KRT25: variants seen among roughly 807,000 people sequenced by gnomAD.
The protein encoded by KRT25 is keratin, type I cytoskeletal 25.
Under a neutral mutation model 47.6 loss-of-function variants are expected in KRT25, and 37 were observed. That is an observed-to-expected ratio of 0.78 (90% confidence interval 0.60 to 1.02). KRT25 has a LOEUF of 1.02. Among genes scored for constraint, KRT25 ranks in the 50% least tolerant of loss-of-function variants. KRT25 has a pLI of 0.00. For synonymous variants in KRT25, 203 were observed against 210.2 expected (o/e 0.97, Z 0.30); for missense variants, 542 against 550.3 (o/e 0.98, Z 0.15).
rs749867197 is a variant in KRT25, at chr17:40,754,286, A to C, written c.512+100T>G. 17 of 1,001,330 alleles carry C rather than the reference A, an allele frequency of 1.7e-5. No homozygotes were observed. In the Admixed American group the frequency reaches 2.5e-4, roughly 15 times the overall value. The allele number at this position is 1,001,330 out of a possible 1,614,324, so 62.0% of individuals were successfully genotyped here. The stretch of plus-strand genomic sequence containing the variant: ...AAGTAATAACATCCTGTTTATGTGA[A>C]ATTCAAGTGTTTTATAATTTTGGAA... On this transcript the variant is annotated intron_variant, in intron 2 of 7. Transcript: ENST00000312150.
rs1597792059 is a variant in KRT25 at position 40,750,866 on chromosome 17, T to C, written c.957+88A>G. ...TGAGACAATTATAAACAAATATATTTCAATATTGTTAAGGTTTTTAAAACC... is the reference window on the plus strand; with the variant it reads ...TGAGACAATTATAAACAAATATATTCCAATATTGTTAAGGTTTTTAAAACC... On this transcript the variant is annotated intron_variant, in intron 5 of 7. Transcript: ENST00000312150. The C allele has an allele frequency of 1.2e-5, 18 of 1,465,212 alleles. No individual in the cohort carries two copies. The East Asian group carries it at 4.1e-4, about 33-fold the overall frequency. The allele number at this position is 1,465,212 out of a possible 1,614,324, so 90.8% of individuals were successfully genotyped here. A position where few individuals can be genotyped will look rare whatever the true frequency, so the allele number is the denominator to read the frequency against.
At chr17:40,754,050 C>T (rs1412857802) in intron 2 of KRT25, 34 bp from the exon 3 acceptor site, 2 of 1,606,826 alleles carry the variant, frequency 1.2e-6, no homozygotes, top group East Asian at 2.2e-5. Flanking sequence ...TAATTTGTCA[C>T]ATGGTTGGAG....
At chr17:40,749,382 CA>C in intron 6 of KRT25, 57 bp from the exon 7 acceptor site, 1 of 1,248,980 alleles carries the variant, frequency 8.0e-7, no homozygotes, top group Non-Finnish European at 1.2e-6. Flanking sequence ...ATTCTAGGAT[CA>C]CCATATGGTT....
chr17:40,752,622 ATATATC>A (rs566539973), intron 3 of KRT25, among the ~76,000 whole-genome samples: 11 of 152,330 alleles, frequency 7.2e-5, no homozygotes, highest in South Asian at 2.1e-4. Context: ...ATCTATATCT[ATATATC>A]TATATCTATA....
chr17:40,752,838 T>G (rs1475056870), intron 3 of KRT25, among the ~76,000 whole-genome samples: 1 of 152,202 alleles, frequency 6.6e-6, no homozygotes, highest in Non-Finnish European at 1.5e-5. Flanking sequence ...GTTTTAAGCA[T>G]TTGGCTTGAC....
chr17:40,752,352 CTG>C (rs1302366494), intron 3 of KRT25, among the ~76,000 whole-genome samples: 1 of 152,154 alleles, frequency 6.6e-6, no homozygotes, highest in Non-Finnish European at 1.5e-5. Flanking sequence ...GCTGCGAAGA[CTG>C]TGTATATTGG....
intron 6 of KRT25, among the ~76,000 whole-genome samples, chr17:40,749,628 CT>C (rs1030801755): frequency 2.6e-5 from 4 of 152,110 alleles, no homozygotes; most frequent in Non-Finnish European, 4.4e-5. Flanking sequence ...GAAATTCACC[CT>C]TTTAAGTTTT....
In KRT25 at chr17:40,749,291, A is replaced by G. The variant is rs1444378291; in HGVS notation, c.1210T>C (p.Tyr404His). 2 of 1,613,750 alleles carry G rather than the reference A, an allele frequency of 1.2e-6. No individual in the cohort carries two copies. The highest frequency in any genetic ancestry group is 1.7e-5 in the Admixed American group (1 of 60,022). ...CKSGGYKSKD[Y>H]GSGNVGSQVK... is the part of the protein sequence containing the mutation. ...TGACTTCCCACATTTCCAGATCCAT[A>G]ATCTTTAGACTTGTAACCCCCAGAC... The change falls in exon 7 of 8, where the codon TAT becomes CAT. Residue 404 changes from tyrosine to histidine, a missense_variant. Transcript: ENST00000312150.
intron 2 of KRT25, 149 bp downstream of exon 2, chr17:40,754,237 G>T: frequency 2.6e-6 from 2 of 763,316 alleles, no homozygotes; most frequent in Non-Finnish European, 4.3e-6. Flanking sequence ...TTCATGCTTT[G>T]TATTTAATAG....
intron 7 of KRT25, 133 bp from the exon 8 acceptor site, chr17:40,748,519 G>A (rs564759612): frequency 3.5e-6 from 2 of 570,680 alleles, no homozygotes; most frequent in East Asian, 6.6e-5. Flanking sequence ...CTCATTTTTG[G>A]TGAATAATTT....
chr17:40,753,233 ATTAGAC>A (rs1314381159), intron 3 of KRT25, among the ~76,000 whole-genome samples: 1 of 152,146 alleles, frequency 6.6e-6, no homozygotes, highest in Non-Finnish European at 1.5e-5. Flanking sequence ...ATTTTATCTA[ATTAGAC>A]TTAATGTCCA....
At position 40,754,004 on chromosome 17, in the gene KRT25, C is replaced by T; in HGVS notation, c.525G>A (p.Glu175=). ...CCTCTACACTCTGGTGAAGAGCCAG[C>T]TCATTTTCATACCTTAAAGAGTGTT... ...ADDFRLKYEN[E]LALHQSVEAD... Residue 175 remains glutamate, a synonymous_variant, in exon 3 of 8, where the codon GAG becomes GAA. Coordinates refer to ENST00000312150, the MANE Select transcript of KRT25 (RefSeq NM_181534.4). 4 of 1,614,092 alleles carry T rather than the reference C, an allele frequency of 2.5e-6. No homozygotes were observed. Among genetic ancestry groups the T allele is most frequent in the Non-Finnish European group, 3.4e-6 (4 of 1,179,982 alleles).
Position 40,749,285 on chromosome 17 carries a change from A to T in KRT25, c.1216T>A (p.Ser406Thr), listed in dbSNP as rs574655251. 5 of 1,613,674 alleles carry T rather than the reference A, an allele frequency of 3.1e-6. No individual in the cohort carries two copies. In the African/African-American group the frequency reaches 6.7e-5, roughly 22 times the overall value. ...SGGYKSKDYGSGNVGSQVKDP... is the reference protein window; with the variant it reads ...SGGYKSKDYGTGNVGSQVKDP... ...TTGACTTGACTTCCCACATTTCCAG[A>T]TCCATAATCTTTAGACTTGTAACCC... The change falls in exon 7 of 8, where the codon TCT becomes ACT. Residue 406 changes from serine to threonine, a missense_variant. Coordinates refer to ENST00000312150, the MANE Select transcript of KRT25 (RefSeq NM_181534.4).
intron 3 of KRT25, among the ~76,000 whole-genome samples, chr17:40,752,095 A>G (rs2038055649): frequency 6.6e-6 from 1 of 152,142 alleles, no homozygotes; most frequent in Admixed American, 6.5e-5. Context: ...CTATTTGCTT[A>G]TCTGAAAATT....
rs779651833 is a variant in KRT25 at position 40,750,459 on chromosome 17, A to C, written c.1096T>G (p.Tyr366Asp). The change falls in exon 6 of 8, where the codon TAT becomes GAT. Residue 366 changes from tyrosine (Y) to aspartate (D), a missense_variant. Tyr to Asp is a radical substitution (Grantham distance 160, BLOSUM62 -3). Coordinates refer to ENST00000312150, the MANE Select transcript of KRT25 (RefSeq NM_181534.4). ...RTETEGQKLE[Y>D]EQLLDIKLHL... ...AGCTTGATGTCCAGGAGCTGCTCAT[A>C]CTCCAGCTTCTGGCCCTCGGTCTCG... 66 of 1,613,332 alleles carry C rather than the reference A, an allele frequency of 4.1e-5. No individual in the cohort carries two copies. The highest frequency in any genetic ancestry group is 5.2e-5 in the Non-Finnish European group (61 of 1,179,762).
chr17:40,748,159 G>A lies in KRT25; in HGVS notation c.*118C>T. The A allele has an allele frequency of 1.7e-6, 1 of 605,904 alleles. No individual in the cohort carries two copies. Among genetic ancestry groups the A allele is most frequent in the Non-Finnish European group, 2.8e-6 (1 of 353,700 alleles). The allele number at this position is 605,904 out of a possible 1,614,324, so 37.5% of individuals were successfully genotyped here. Reference sequence around the variant, plus strand: ...CTGTCATTGATTGCCCAGAAAGAAAGTAACAGAAAGACAACAGGTTAGACA... The same window carrying A: ...CTGTCATTGATTGCCCAGAAAGAAAATAACAGAAAGACAACAGGTTAGACA... On this transcript the variant is annotated 3_prime_UTR_variant, in exon 8 of 8. Transcript: ENST00000312150.
chr17:40,748,115 C>T lies in KRT25; in HGVS notation c.*162G>A. ...AGTCATATTTGTGTGTGGCATTCTT[C>T]TAGATGAATGGGGAGATGCTGTCAT... On this transcript the variant is annotated 3_prime_UTR_variant, in exon 8 of 8. Coordinates refer to ENST00000312150, the MANE Select transcript of KRT25 (RefSeq NM_181534.4). The T allele has an allele frequency of 2.0e-6, 1 of 508,736 alleles. No homozygotes were observed. Among genetic ancestry groups the T allele is most frequent in the Non-Finnish European group, 3.4e-6 (1 of 289,888 alleles). 31.5% of individuals were successfully genotyped at this position (508,736 alleles called of 1,614,324 possible).
intron 3 of KRT25, 60 bp downstream of exon 3, chr17:40,753,800 C>G: frequency 7.6e-7 from 1 of 1,318,770 alleles, no homozygotes; most frequent in Non-Finnish European, 1.0e-6. Flanking sequence ...TGTACATTAT[C>G]TCCTGTCAGG....
In KRT25 at chr17:40,750,578, G is replaced by C. The variant is rs1360451650; in HGVS notation, c.977C>G (p.Ser326Cys). 6.2e-7 allele frequency: 1 copy of C among 1,614,096 alleles called. No homozygotes were observed. Among genetic ancestry groups the C allele is most frequent in the African/African-American group, 1.3e-5 (1 of 74,924 alleles). ...GTAGTTGCTCTCGGTCTCTGTCAAG[G>C]AGCACTCCAGGGAGTGTTTCTGTCA... is the stretch of plus-strand genomic sequence containing the variant. ...LLATKHSLEC[S>C]LTETESNYCA... The change falls in exon 6 of 8, where the codon TCC (serine) becomes TGC (cysteine). Residue 326 changes from serine (S) to cysteine (C), a missense_variant. Transcript: ENST00000312150.
Sources: allele counts gnomAD v4.1 joint callset (sites outside exome capture counted in the v4.1 genomes callset), GRCh38; gene constraint gnomAD v4.1.1; transcripts MANE v1.5; gene names NCBI Gene and HGNC (gene_info 2026-07-23, HGNC 2026-07-21).